Variants in SPMIP2 observed in about 807,000 individuals in gnomAD.
The protein encoded by SPMIP2 is protein SPMIP2.
chr4:158,976,600 A>G, the SPMIP2 span, among the ~76,000 whole-genome samples: 1 of 150,476 alleles, frequency 6.6e-6, no homozygotes, highest in Non-Finnish European at 1.5e-5. Flanking sequence ...ATTGATTTGC[A>G]TATGTTGAAT....
chr4:159,082,465 G>GTGTGTGTGTA, the SPMIP2 span, among the ~76,000 whole-genome samples: 20 of 149,326 alleles, frequency 1.3e-4, no homozygotes, highest in South Asian at 2.1e-3. Flanking sequence ...GTGTGTGTGT[G>GTGTGTGTGTA]TGTGTGTGTG....
At chr4:159,049,259 G>A in the SPMIP2 span, among the ~76,000 whole-genome samples, 7 of 152,088 alleles carry the variant, frequency 4.6e-5, no homozygotes, top group African/African-American at 1.2e-4. Flanking sequence ...GTAAGCTCTC[G>A]TATTTTTCTG....
the SPMIP2 span, among the ~76,000 whole-genome samples, chr4:158,970,060 G>C: frequency 1.3e-5 from 2 of 152,212 alleles, no homozygotes; most frequent in Non-Finnish European, 2.9e-5. Context: ...TCCCTTGTGA[G>C]GGCGGCCCTG....
the SPMIP2 span, among the ~76,000 whole-genome samples, chr4:159,046,775 G>A: frequency 2.1e-4 from 32 of 152,234 alleles, 1 homozygote. Context: ...CTTTCACCAT[G>A]TTGGCCAGCC....
the SPMIP2 span, among the ~76,000 whole-genome samples, chr4:159,067,070 C>G: frequency 2.0e-5 from 3 of 152,132 alleles, no homozygotes; most frequent in African/African-American, 7.2e-5. Flanking sequence ...TACAAGAAAG[C>G]AGTACAGCAT....
chr4:159,079,021 G>A, the SPMIP2 span, among the ~76,000 whole-genome samples: 1 of 152,162 alleles, frequency 6.6e-6, no homozygotes, highest in African/African-American at 2.4e-5. Context: ...AGGAAGCTGA[G>A]ACAGGAGAAT....
the SPMIP2 span, among the ~76,000 whole-genome samples, chr4:158,936,907 G>A: frequency 6.6e-6 from 1 of 152,192 alleles, no homozygotes; most frequent in Admixed American, 6.5e-5. Flanking sequence ...GTCCTTCTCT[G>A]CTCCTTTTTA....
chr4:159,042,788 G>A, the SPMIP2 span, among the ~76,000 whole-genome samples: 4 of 151,910 alleles, frequency 2.6e-5, no homozygotes, highest in African/African-American at 9.7e-5. Flanking sequence ...TCAGCCTCCC[G>A]AGTAGCTGGG....
the SPMIP2 span, among the ~76,000 whole-genome samples, chr4:158,898,788 A>G: frequency 7.9e-5 from 12 of 152,328 alleles, no homozygotes; most frequent in South Asian, 2.1e-4. Flanking sequence ...AAACAGAGAC[A>G]ATTTGACTTC....
At chr4:159,075,145 G>A in the SPMIP2 span, among the ~76,000 whole-genome samples, 3 of 152,300 alleles carry the variant, frequency 2.0e-5, no homozygotes, top group African/African-American at 7.2e-5. Context: ...AGTCCTTATA[G>A]GTCAGCCTAC....
chr4:158,915,503 A>G, the SPMIP2 span: 4 of 712,912 alleles, frequency 5.6e-6, no homozygotes, highest in South Asian at 8.0e-5. Flanking sequence ...GACCTGACCC[A>G]TCCTGGGAAG....
chr4:158,932,444 G>C, the SPMIP2 span, among the ~76,000 whole-genome samples: 1 of 152,156 alleles, frequency 6.6e-6, no homozygotes, highest in Non-Finnish European at 1.5e-5. Flanking sequence ...TCTTCAGCCT[G>C]GGTGACAGAG....
chr4:158,978,809 G>A, the SPMIP2 span, among the ~76,000 whole-genome samples: 1 of 151,950 alleles, frequency 6.6e-6, no homozygotes, highest in Non-Finnish European at 1.5e-5. Flanking sequence ...GCCTATGTGT[G>A]TCTTTGCACA....
chr4:158,902,419 C>T, the SPMIP2 span, among the ~76,000 whole-genome samples: 44,019 of 152,024 alleles, frequency 0.29, 7,127 homozygotes, highest in Non-Finnish European at 0.38. Flanking sequence ...GAGGTTCTGT[C>T]GGCCCCTACT....
the SPMIP2 span, chr4:158,907,772 C>T: frequency 1.3e-5 from 2 of 151,998 alleles, no homozygotes; most frequent in African/African-American, 4.8e-5. Context: ...CAAGAAGTCC[C>T]CTCTGAATGT....
the SPMIP2 span, among the ~76,000 whole-genome samples, chr4:158,947,996 T>C: frequency 6.6e-6 from 1 of 152,200 alleles, no homozygotes; most frequent in East Asian, 1.9e-4. Context: ...TCCCCTTCTC[T>C]CCCTGCTCCA....
the SPMIP2 span, chr4:158,905,694 CAAAAAAAA>C: frequency 3.4e-5 from 4 of 118,418 alleles, no homozygotes; most frequent in African/African-American, 1.2e-4. Context: ...AAAGTTCATG[CAAAAAAAA>C]AAAAAAAACA....
the SPMIP2 span, among the ~76,000 whole-genome samples, chr4:158,955,588 T>C: frequency 6.6e-6 from 1 of 152,102 alleles, no homozygotes; most frequent in Non-Finnish European, 1.5e-5. Flanking sequence ...GTGTTTTTAT[T>C]AGAGATGGGA....
the SPMIP2 span, among the ~76,000 whole-genome samples, chr4:158,982,547 T>G: frequency 8.5e-5 from 13 of 152,072 alleles, no homozygotes; most frequent in Non-Finnish European, 1.8e-4. Context: ...TGCAATCAAC[T>G]TAGAACTCAG....
Sources: gnomAD v4.1 joint callset for allele counts (sites outside exome capture counted in the v4.1 genomes callset) on GRCh38, gnomAD v4.1.1 for gene constraint, MANE v1.5 for transcripts, NCBI Gene and HGNC (gene_info 2026-07-23, HGNC 2026-07-21) for gene names.